ZNF704: variants seen among roughly 807,000 people sequenced by gnomAD.
ZNF704 encodes the protein glucocorticoid induced gene 1.
In ZNF704, 10 loss-of-function variants were observed where a neutral mutation model predicts 44.7. The observed-to-expected ratio is 0.22, with a 90% CI of 0.14 to 0.38. The LOEUF (loss-of-function observed/expected upper bound fraction) is 0.38, where lower values mean the gene tolerates loss of function less well. Among genes scored for constraint, ZNF704 ranks in the 10% least tolerant of loss-of-function variants. The pLI is 1.00. For synonymous variants in ZNF704, 211 were observed against 207.6 expected, an observed-to-expected ratio of 1.02 and a Z score of -0.14; for missense variants, 390 against 545.5, an observed-to-expected ratio of 0.71 and a Z score of 2.84.
intron 2 of ZNF704, among the ~76,000 whole-genome samples, chr8:80,778,865 C>T (rs920839096): frequency 1.3e-5 from 2 of 151,900 alleles, no homozygotes; most frequent in African/African-American, 2.4e-5. Context: ...GAGGGTGGAG[C>T]GTGGAAGGAG....
intron 1 of ZNF704, among the ~76,000 whole-genome samples, chr8:80,823,879 C>T (rs188561772): frequency 3.9e-4 from 59 of 152,302 alleles, no homozygotes; most frequent in Non-Finnish European, 6.0e-4. Context: ...AGAAGGAAAA[C>T]TAACAAACAG....
intron 2 of ZNF704, among the ~76,000 whole-genome samples, chr8:80,728,268 G>A (rs1806518618): frequency 6.6e-6 from 1 of 152,136 alleles, no homozygotes; most frequent in Non-Finnish European, 1.5e-5. Flanking sequence ...TTTGCCTCAG[G>A]TCAGAGCTGT....
intron 1 of ZNF704, among the ~76,000 whole-genome samples, chr8:80,833,348 C>CA (rs1037086215): frequency 1.2e-4 from 18 of 150,860 alleles, no homozygotes; most frequent in Admixed American, 9.2e-4. Context: ...GACTCCGTCT[C>CA]AAAAAAAAGA....
intron 4 of ZNF704, among the ~76,000 whole-genome samples, chr8:80,686,681 C>A (rs1172990140): frequency 6.6e-6 from 1 of 152,104 alleles, no homozygotes; most frequent in Non-Finnish European, 1.5e-5. Context: ...GTGTGAGCCA[C>A]TGTGCCTGGC....
At chr8:80,651,323 C>T (rs1455292937) in intron 7 of ZNF704, among the ~76,000 whole-genome samples, 1 of 152,162 alleles carries the variant, frequency 6.6e-6, no homozygotes, top group African/African-American at 2.4e-5. Context: ...ACAATATTAA[C>T]CTCAAATGTA....
chr8:80,679,318 C>A (rs899768304), intron 4 of ZNF704, among the ~76,000 whole-genome samples: 1 of 151,298 alleles, frequency 6.6e-6, no homozygotes, highest in Non-Finnish European at 1.5e-5. Context: ...TGAAACAAAT[C>A]CTTTGTCTAC....
At chr8:80,783,398 G>A (rs182622049) in intron 2 of ZNF704, among the ~76,000 whole-genome samples, 27 of 152,110 alleles carry the variant, frequency 1.8e-4, no homozygotes, top group Non-Finnish European at 4.4e-5. Context: ...AATGTGTGCT[G>A]TGGTGGTTTG....
chr8:80,854,637 A>T lies in ZNF704; in HGVS notation c.-22+19934T>A, dbSNP rs1224009821. On this transcript the variant is annotated intron_variant, in intron 1 of 8. Coordinates refer to ENST00000327835, the MANE Select transcript of ZNF704 (RefSeq NM_001033723.3). ...TGAACCTAGCCACTAAGCTTAGTTT[A>T]AAATTCTACTCCCTTTGCTTAGAAC... Among the ~76,000 whole-genome samples, 3 of 152,220 alleles carry T rather than the reference A, an allele frequency of 2.0e-5. No individual in the cohort carries two copies. The East Asian group carries it at 5.8e-4, about 29-fold the overall frequency.
Position 80,630,333 on chromosome 8 carries a change from G to GTGAA in ZNF704, c.*11029_*11032dup, listed in dbSNP as rs1817562980. On this transcript the variant is annotated 3_prime_UTR_variant, in exon 9 of 9. Coordinates refer to ENST00000327835, the MANE Select transcript of ZNF704 (RefSeq NM_001033723.3). ...CTTTTGAGTTAGCACTCAATGACAT[G>GTGAA]TGAATGCCTGTCATTTCCACACGAG... The GTGAA allele has an allele frequency of 6.6e-6, 1 of 152,230 alleles. No individual in the cohort carries two copies. Among genetic ancestry groups the GTGAA allele is most frequent in the African/African-American group, 2.4e-5 (1 of 41,450 alleles). The allele number at this position is 152,230 out of a possible 1,614,324, so 9.4% of individuals were successfully genotyped here.
chr8:80,781,413 T>C (rs1296433709), intron 2 of ZNF704, among the ~76,000 whole-genome samples: 2 of 152,260 alleles, frequency 1.3e-5, no homozygotes, highest in African/African-American at 2.4e-5. Flanking sequence ...ATTTTATTTA[T>C]GCATACTGAA....
At chr8:80,826,377 GGAA>G (rs1420779470) in intron 1 of ZNF704, among the ~76,000 whole-genome samples, 2 of 152,124 alleles carry the variant, frequency 1.3e-5, no homozygotes, top group Non-Finnish European at 2.9e-5. Context: ...GACTAAACCA[GGAA>G]GAAGTTGAAT....
At chr8:80,665,207 T>TC in intron 5 of ZNF704, 125 bp from the exon 6 acceptor site, 1 of 1,030,988 alleles carries the variant, frequency 9.7e-7, no homozygotes, top group Non-Finnish European at 1.4e-6. Context: ...TGCAAACTCT[T>TC]CCTTATCCTG....
chr8:80,736,681 T>C (rs527761768), intron 2 of ZNF704, among the ~76,000 whole-genome samples: 1 of 152,188 alleles, frequency 6.6e-6, no homozygotes, highest in East Asian at 1.9e-4. Context: ...ACAATGGACT[T>C]TGGGGACTCA....
intron 2 of ZNF704, among the ~76,000 whole-genome samples, chr8:80,766,076 C>G (rs1360056876): frequency 6.6e-6 from 1 of 152,118 alleles, no homozygotes; most frequent in Non-Finnish European, 1.5e-5. Flanking sequence ...GGTAAATATA[C>G]TCTTTCCTTC....
intron 1 of ZNF704, among the ~76,000 whole-genome samples, chr8:80,824,129 G>A (rs898200914): frequency 1.4e-4 from 21 of 152,120 alleles, no homozygotes; most frequent in African/African-American, 4.3e-4. Context: ...AAACTTCTCC[G>A]AGCTAAAGGA....
At chr8:80,757,823 T>C (rs955244616) in intron 2 of ZNF704, among the ~76,000 whole-genome samples, 2 of 152,238 alleles carry the variant, frequency 1.3e-5, no homozygotes, top group African/African-American at 2.4e-5. Flanking sequence ...TACAAGTTTG[T>C]AGCCTGGGAG....
intron 4 of ZNF704, among the ~76,000 whole-genome samples, chr8:80,676,061 G>A (rs1311286726): frequency 1.3e-5 from 2 of 152,184 alleles, no homozygotes; most frequent in African/African-American, 4.8e-5. Context: ...AGGAAGATGT[G>A]ACCAACTGTG....
chr8:80,764,698 G>A (rs1450736296), intron 2 of ZNF704, among the ~76,000 whole-genome samples: 1 of 152,162 alleles, frequency 6.6e-6, no homozygotes, highest in Non-Finnish European at 1.5e-5. Context: ...TTTGGTTATT[G>A]CTTGGCCATT....
chr8:80,877,814 A>G (rs1015999124), upstream of ZNF704, among the ~76,000 whole-genome samples: 6 of 152,236 alleles, frequency 3.9e-5, no homozygotes, highest in Non-Finnish European at 7.3e-5. Flanking sequence ...AGATAAGTGA[A>G]CAATATGATT....
Sources: allele counts gnomAD v4.1 joint callset (sites outside exome capture counted in the v4.1 genomes callset), GRCh38; gene constraint gnomAD v4.1.1; transcripts MANE v1.5; gene names NCBI Gene and HGNC (gene_info 2026-07-23, HGNC 2026-07-21).